Variants in CTNNA2 observed in about 807,000 individuals in gnomAD.
CTNNA2 encodes the protein catenin alpha-2.
A neutral mutation model predicts 101.0 loss-of-function variants in CTNNA2; 42 were observed. That is an observed-to-expected ratio of 0.42 (90% confidence interval 0.32 to 0.54). The LOEUF (loss-of-function observed/expected upper bound fraction) is 0.54. Ranked by LOEUF, CTNNA2 falls within the 20% of genes least tolerant of loss-of-function variation. The pLI is 0.14. For missense variants in CTNNA2, 871 were observed against 1,223.1 expected (o/e 0.71, Z 4.29); for synonymous variants, 450 against 456.4 (o/e 0.99, Z 0.18).
At chr2:79,709,591 A>T (rs1685615222) in intron 2 of CTNNA2, among the ~76,000 whole-genome samples, 1 of 152,090 alleles carries the variant, frequency 6.6e-6, no homozygotes, top group Non-Finnish European at 1.5e-5. Flanking sequence ...GACTAAGGAG[A>T]TTGCATTTTT....
intron 7 of CTNNA2, among the ~76,000 whole-genome samples, chr2:79,997,363 AAAAAG>A (rs943513301): frequency 1.3e-5 from 2 of 151,178 alleles, no homozygotes; most frequent in South Asian, 2.2e-4. Context: ...AAGGAAAAGA[AAAAAG>A]AAAAGAAGAA....
intron 2 of CTNNA2, among the ~76,000 whole-genome samples, chr2:79,685,127 T>C (rs1406686430): frequency 2.0e-5 from 3 of 152,208 alleles, no homozygotes; most frequent in Non-Finnish European, 2.9e-5. Flanking sequence ...AAATTGCTAA[T>C]TTATTTATTT....
At chr2:79,342,370 A>G (rs1233079556) in intron 3 of CTNNA2, among the ~76,000 whole-genome samples, 1 of 152,214 alleles carries the variant, frequency 6.6e-6, no homozygotes, top group Non-Finnish European at 1.5e-5. Context: ...GACTGAGCAG[A>G]GAAGATTGCC....
At position 79,326,620 on chromosome 2, in the gene CTNNA2, G is replaced by C. The variant is rs79595215; in HGVS notation, c.-318+13824G>C. 7.5e-3 allele frequency among the ~76,000 whole-genome samples: 1,144 copies of C among 152,214 alleles called. 18 individuals carry two copies. The highest frequency in any genetic ancestry group is 0.026 in the African/African-American group (1,066 of 41,526). ...AAATTGAGGTACAAAAATTAGACAT[G>C]TTTGACGCTGGTTAGGAGTTTTCTA... On this transcript the variant is annotated intron_variant, in intron 3 of 21. Transcript: ENST00000466387.
intron 4 of CTNNA2, among the ~76,000 whole-genome samples, chr2:79,496,643 C>G (rs941720957): frequency 2.0e-5 from 3 of 151,642 alleles, no homozygotes; most frequent in African/African-American, 7.3e-5. Flanking sequence ...ATTCTTATTC[C>G]TAATTTTGAA....
chr2:80,531,473 T>C (rs974631623), intron 9 of CTNNA2, among the ~76,000 whole-genome samples: 7 of 152,064 alleles, frequency 4.6e-5, no homozygotes, highest in African/African-American at 1.7e-4. Context: ...GCCTCTAGAG[T>C]GATCCTCCAG....
intron 7 of CTNNA2, among the ~76,000 whole-genome samples, chr2:80,009,471 C>A (rs1394454973): frequency 6.6e-6 from 1 of 152,164 alleles, no homozygotes; most frequent in Non-Finnish European, 1.5e-5. Context: ...CCTGAAGACT[C>A]AACTGTGAAA....
At chr2:80,313,145 C>T (rs1419383441) in intron 7 of CTNNA2, among the ~76,000 whole-genome samples, 1 of 152,194 alleles carries the variant, frequency 6.6e-6, no homozygotes, top group East Asian at 1.9e-4. Context: ...TATGTGTGGC[C>T]TCCTGTTGCA....
chr2:79,824,798 T>C (rs1195781006), intron 3 of CTNNA2, among the ~76,000 whole-genome samples: 1 of 152,176 alleles, frequency 6.6e-6, no homozygotes, highest in Admixed American at 6.5e-5. Flanking sequence ...ATCAAAAAAG[T>C]TCCCCTTTTT....
intron 7 of CTNNA2, among the ~76,000 whole-genome samples, chr2:80,385,706 T>G (rs1676934345): frequency 6.6e-6 from 1 of 152,100 alleles, no homozygotes; most frequent in Non-Finnish European, 1.5e-5. Context: ...CATCTCTCCC[T>G]CCTGTCTCTC....
intron 4 of CTNNA2, among the ~76,000 whole-genome samples, chr2:79,381,700 G>A (rs1369586199): frequency 6.6e-6 from 1 of 152,192 alleles, no homozygotes; most frequent in African/African-American, 2.4e-5. Flanking sequence ...AGAGGCTCCA[G>A]CAGCATATGA....
chr2:80,637,498 AGAAAGAGGTGG>A (rs1426616780), intron 18 of CTNNA2, among the ~76,000 whole-genome samples: 4 of 152,074 alleles, frequency 2.6e-5, no homozygotes, highest in Non-Finnish European at 4.4e-5. Context: ...CAGGAGAGGA[AGAAAGAGGTGG>A]GGAAGAGGTG....
chr2:79,242,352 T>A (rs1230286276), intron 2 of CTNNA2, among the ~76,000 whole-genome samples: 4 of 152,190 alleles, frequency 2.6e-5, no homozygotes, highest in African/African-American at 7.2e-5. Context: ...AAAATACTAA[T>A]TTTTTTGTTT....
rs67782114 is a variant in CTNNA2 at position 79,664,705 on chromosome 2, C to CTTTTTTTTTTTTT, written c.102+13061_102+13073dup. The stretch of plus-strand genomic sequence containing the variant: ...TAAATTCTGGAGAATTCACATTCTT[C>CTTTTTTTTTTTTT]TTTTTTTTTTTTTTTTTTTTTTTTT... On this transcript the variant is annotated intron_variant, in intron 2 of 18. Transcript: ENST00000402739. 7.1e-4 allele frequency among the ~76,000 whole-genome samples: 67 copies of CTTTTTTTTTTTTT among 94,984 alleles called. 3 individuals carry two copies. The highest frequency in any genetic ancestry group is 2.8e-3 in the African/African-American group (65 of 22,942). The allele number at this position is 94,984 out of a possible 152,430, so 62.3% of individuals were successfully genotyped here.
At chr2:79,200,732 G>A (rs74414859) in intron 2 of CTNNA2, among the ~76,000 whole-genome samples, 4,456 of 151,896 alleles carry the variant, frequency 0.029, 229 homozygotes, top group African/African-American at 0.1. Flanking sequence ...AAACCATGAA[G>A]GCCTTTTAAT....
At chr2:79,657,691 A>G (rs1233495411) in intron 2 of CTNNA2, among the ~76,000 whole-genome samples, 4 of 151,850 alleles carry the variant, frequency 2.6e-5, no homozygotes, top group African/African-American at 9.7e-5. Context: ...AAACCTACCT[A>G]AGCTATTAGT....
intron 7 of CTNNA2, among the ~76,000 whole-genome samples, chr2:80,116,236 G>A (rs1338580065): frequency 2.0e-5 from 3 of 152,038 alleles, no homozygotes; most frequent in Non-Finnish European, 4.4e-5. Context: ...CAGGTTGTGG[G>A]ATGGATTTGA....
chr2:80,221,535 G>A (rs542770078), intron 7 of CTNNA2, among the ~76,000 whole-genome samples: 1 of 152,298 alleles, frequency 6.6e-6, no homozygotes, highest in South Asian at 2.1e-4. Flanking sequence ...CCAATTCAGC[G>A]ACTATACTAG....
Position 79,851,108 on chromosome 2 carries a change from C to G in CTNNA2, c.299-6905C>G, listed in dbSNP as rs150239142. ...CTGCCTGATTCTTATCAAAGAACCA[C>G]TCACTTATTTCTTCCAAGAAAAGGA... On this transcript the variant is annotated intron_variant, in intron 3 of 18. Coordinates refer to ENST00000402739, the MANE Select transcript of CTNNA2 (RefSeq NM_001282597.3). Among the ~76,000 whole-genome samples, 1,427 of 152,360 alleles carry G rather than the reference C, an allele frequency of 9.4e-3. 14 individuals are homozygous for G. The highest frequency in any genetic ancestry group is 0.015 in the Admixed American group (231 of 15,300).
Sources: gnomAD v4.1 joint callset for allele counts (sites outside exome capture counted in the v4.1 genomes callset) on GRCh38, gnomAD v4.1.1 for gene constraint, MANE v1.5 for transcripts, NCBI Gene and HGNC (gene_info 2026-07-23, HGNC 2026-07-21) for gene names.